TRANK1: variants seen among roughly 807,000 people sequenced by gnomAD.
TRANK1 encodes TPR and ankyrin repeat-containing protein 1.
A neutral mutation model predicts 266.0 loss-of-function variants in TRANK1; 198 were observed. The observed-to-expected ratio is 0.74, with a 90% CI of 0.66 to 0.84. TRANK1 has a LOEUF of 0.84. Among genes scored for constraint, TRANK1 ranks in the 40% least tolerant of loss-of-function variants. The pLI is 0.00. For synonymous variants in TRANK1, 1,396 were observed against 1,384.1 expected (o/e 1.01, Z -0.19); for missense variants, 3,326 against 3,634.6 (o/e 0.92, Z 2.18).
chr3:36,839,428 A>C (rs191289676), intron 18 of TRANK1, among the ~76,000 whole-genome samples: 2 of 152,314 alleles, frequency 1.3e-5, no homozygotes, highest in East Asian at 3.9e-4. Context: ...CAGTGTGGGC[A>C]AGGGAGGGAC....
At position 36,874,145 on chromosome 3, in the gene TRANK1, C is replaced by T. The variant is rs969787740; in HGVS notation, c.1059G>A (p.Thr353=). Residue 353 remains threonine, a synonymous_variant, in exon 9 of 24, where the codon ACG becomes ACA. Transcript: ENST00000645898. ...CTGTACCTGATAGGTCCTTAGAACA[C>T]GTAGCTAGCTTTTCTAAGTGACTGT... The part of the protein sequence containing the change: ...KINSHLEKLA[T]CSKDLSGFSN... 41 of 1,537,124 alleles carry T rather than the reference C, an allele frequency of 2.7e-5. No individual in the cohort carries two copies. Among genetic ancestry groups the T allele is most frequent in the Non-Finnish European group, 3.0e-5 (34 of 1,146,818 alleles).
At chr3:36,843,318 C>A (rs941537718) in intron 17 of TRANK1, among the ~76,000 whole-genome samples, 1 of 152,056 alleles carries the variant, frequency 6.6e-6, no homozygotes, top group East Asian at 1.9e-4. Context: ...TCTATGGCTA[C>A]AAATCAGAAG....
chr3:36,855,039 T>C (rs2079032752), intron 13 of TRANK1, 134 bp downstream of exon 13: 3 of 770,128 alleles, frequency 3.9e-6, no homozygotes, highest in African/African-American at 3.5e-5. Flanking sequence ...CATGAGCGTA[T>C]TTACTAACAA....
At chr3:36,859,845 A>C (rs1030622450) in intron 11 of TRANK1, among the ~76,000 whole-genome samples, 2 of 152,170 alleles carry the variant, frequency 1.3e-5, no homozygotes, top group Non-Finnish European at 2.9e-5. Flanking sequence ...TTAAGGAAGG[A>C]GTTTAAAAAA....
At chr3:36,851,549 A>G in intron 15 of TRANK1, 170 bp downstream of exon 15, 1 of 1,210,266 alleles carries the variant, frequency 8.3e-7, no homozygotes, top group Middle Eastern at 2.9e-4. Context: ...GCTAATGTCA[A>G]AACCCACATC....
chr3:36,934,054 T>C (rs2080392813), intron 1 of TRANK1, among the ~76,000 whole-genome samples: 1 of 152,186 alleles, frequency 6.6e-6, no homozygotes, highest in Non-Finnish European at 1.5e-5. Flanking sequence ...GTAGGCATGC[T>C]CTAGATGGCT....
intron 2 of TRANK1, among the ~76,000 whole-genome samples, chr3:36,904,243 T>C (rs558715060): frequency 1.3e-5 from 2 of 151,290 alleles, no homozygotes; most frequent in Non-Finnish European, 2.9e-5. Context: ...ATTAAGATAT[T>C]AAATAGGCCA....
intron 9 of TRANK1, among the ~76,000 whole-genome samples, chr3:36,868,788 T>TATCCAATAAGTCAATAAGGC (rs2079263397): frequency 1.3e-5 from 2 of 152,214 alleles, no homozygotes; most frequent in South Asian, 4.1e-4. Flanking sequence ...TTTAAGTCAA[T>TATCCAATAAGTCAATAAGGC]ACCCTATGCC....
intron 8 of TRANK1, among the ~76,000 whole-genome samples, chr3:36,887,755 A>G (rs2079628095): frequency 6.6e-6 from 1 of 152,242 alleles, no homozygotes; most frequent in Admixed American, 6.5e-5. Context: ...GAAATGCTAC[A>G]ATTCTGAGCT....
At position 36,856,263 on chromosome 3, in the gene TRANK1, T is replaced by C; in HGVS notation, c.3459A>G (p.Ile1153Met). ...CGCAGGCTTCATACTCCTGCTCATC[T>C]ATGCTTTCTACTGTTTCCACTTCAA... is the stretch of plus-strand genomic sequence containing the variant. Reference protein sequence around the residue: ...DSIEVETVESIDEQEYEACAG... With the variant: ...DSIEVETVESMDEQEYEACAG... The change falls in exon 13 of 24, where the codon ATA becomes ATG. Residue 1153 changes from isoleucine to methionine, a missense_variant. Coordinates refer to ENST00000645898, the MANE Select transcript of TRANK1 (RefSeq NM_001329998.2). The C allele has an allele frequency of 1.9e-6, 3 of 1,607,990 alleles. No homozygotes were observed. Among genetic ancestry groups the C allele is most frequent in the Non-Finnish European group, 2.5e-6 (3 of 1,176,698 alleles).
chr3:36,835,337 A>AC (rs2078756945), intron 20 of TRANK1, among the ~76,000 whole-genome samples: 1 of 151,092 alleles, frequency 6.6e-6, no homozygotes, highest in South Asian at 2.1e-4. Context: ...AAAAAAAAAA[A>AC]AAAAAAAACC....
At chr3:36,879,265 G>A (rs1452253305) in intron 8 of TRANK1, among the ~76,000 whole-genome samples, 2 of 151,542 alleles carry the variant, frequency 1.3e-5, no homozygotes, top group Non-Finnish European at 2.9e-5. Flanking sequence ...TATGATTAAT[G>A]ACTATGAGAA....
intron 8 of TRANK1, among the ~76,000 whole-genome samples, chr3:36,875,338 T>C (rs75319070): frequency 6.6e-6 from 1 of 152,208 alleles, no homozygotes; most frequent in Middle Eastern, 3.2e-3. Context: ...GTTTTGAAGA[T>C]ACAAGAGGCA....
At chr3:36,840,715 T>C (rs1279215625) in intron 18 of TRANK1, among the ~76,000 whole-genome samples, 1 of 152,124 alleles carries the variant, frequency 6.6e-6, no homozygotes, top group African/African-American at 2.4e-5. Context: ...AGGAAAGAAA[T>C]GTGATCCAGG....
In TRANK1 at chr3:36,829,555, A is replaced by G. The variant is rs754734328; in HGVS notation, c.8809+9T>C. 6.2e-7 allele frequency: 1 copy of G among 1,613,076 alleles called. No homozygotes were observed. Among genetic ancestry groups the G allele is most frequent in the Non-Finnish European group, 8.5e-7 (1 of 1,179,578 alleles). On this transcript the variant is annotated intron_variant, in intron 23 of 23. Coordinates refer to ENST00000645898, the MANE Select transcript of TRANK1 (RefSeq NM_001329998.2). ...AGTGTTACCTGTCCCCACAATCAAG[A>G]CTCCTTACCTTCCTTCTTTAAGCGG...
At chr3:36,928,271 G>A (rs755014840) in intron 1 of TRANK1, among the ~76,000 whole-genome samples, 2 of 152,174 alleles carry the variant, frequency 1.3e-5, no homozygotes, top group African/African-American at 2.4e-5. Context: ...ATGAAGCAAC[G>A]TGGTTTTTTG....
intron 1 of TRANK1, among the ~76,000 whole-genome samples, chr3:36,915,469 T>A (rs150639232): frequency 6.6e-6 from 1 of 152,234 alleles, no homozygotes; most frequent in African/African-American, 2.4e-5. Flanking sequence ...GATAAAGAAC[T>A]GTTTTTAATT....
chr3:36,937,233 T>G (rs1340964966), intron 1 of TRANK1, among the ~76,000 whole-genome samples: 1 of 152,222 alleles, frequency 6.6e-6, no homozygotes, highest in Non-Finnish European at 1.5e-5. Context: ...GGTAGACACA[T>G]GATTTCTCCT....
chr3:36,831,030 T>G lies in TRANK1; in HGVS notation c.8553A>C (p.Glu2851Asp). ...CGATGTCCTGCACCACCAGCTTGCC[T>G]TCATCAATGGCCGGGTCCACCTTCT... ...FHEKVDPAID[E>D]GKLVVQDIEQ... is the part of the protein sequence containing the mutation. The change falls in exon 22 of 24, where the codon GAA (glutamate) becomes GAC (aspartate). Residue 2851 changes from glutamate to aspartate, a missense_variant. By Grantham distance (45) the Glu-to-Asp change is conservative. Coordinates refer to ENST00000645898, the MANE Select transcript of TRANK1 (RefSeq NM_001329998.2). The surrounding 1 kb of genome is among the most constrained non-coding windows in gnomAD (Gnocchi z 5.0). 3 of 1,614,044 alleles carry G rather than the reference T, an allele frequency of 1.9e-6. No homozygotes were observed. The highest frequency in any genetic ancestry group is 2.5e-6 in the Non-Finnish European group (3 of 1,179,896).
Sources: allele counts gnomAD v4.1 joint callset (sites outside exome capture counted in the v4.1 genomes callset), GRCh38; gene constraint gnomAD v4.1.1; non-coding constraint Gnocchi (gnomAD v3.1); transcripts MANE v1.5; gene names NCBI Gene and HGNC (gene_info 2026-07-23, HGNC 2026-07-21).